NSMCE2: variants seen among roughly 807,000 people sequenced by gnomAD.
NSMCE2 encodes the protein NSE2 SUMO ligase component of SMC5/6 complex.
NSMCE2 carries 24 observed loss-of-function variants against 23.8 expected under a neutral mutation model. The ratio of observed to expected loss-of-function variants is 1.01; its 90% confidence interval spans 0.73 to 1.42. The LOEUF is 1.42. Ranked by LOEUF, NSMCE2 falls within the 40% of genes most tolerant of loss-of-function variation. NSMCE2 has a pLI of 0.00. For synonymous variants in NSMCE2, 92 were observed against 94.1 expected, an observed-to-expected ratio of 0.98 and a Z score of 0.13; for missense variants, 284 against 296.5, an observed-to-expected ratio of 0.96 and a Z score of 0.31.
At chr8:125,326,721 C>A (rs1475298140) in intron 5 of NSMCE2, among the ~76,000 whole-genome samples, 2 of 151,920 alleles carry the variant, frequency 1.3e-5, no homozygotes, top group African/African-American at 4.8e-5. Flanking sequence ...TTTGGGAGGC[C>A]GAGGCAGGTG....
chr8:125,210,286 C>A (rs941301738), intron 5 of NSMCE2, among the ~76,000 whole-genome samples: 2 of 152,152 alleles, frequency 1.3e-5, no homozygotes, highest in Non-Finnish European at 2.9e-5. Flanking sequence ...TCATTACTGT[C>A]ATTATTACTA....
At chr8:125,105,412 C>G (rs1475787010) in intron 3 of NSMCE2, among the ~76,000 whole-genome samples, 2 of 151,822 alleles carry the variant, frequency 1.3e-5, no homozygotes, top group Admixed American at 6.6e-5. Flanking sequence ...GAGATTGTAT[C>G]AGTTTTTTTC....
chr8:125,123,939 T>G (rs1819388954), intron 3 of NSMCE2, among the ~76,000 whole-genome samples: 1 of 152,218 alleles, frequency 6.6e-6, no homozygotes, highest in African/African-American at 2.4e-5. Flanking sequence ...ATGTACAATT[T>G]TGTGGTTTTC....
intron 1 of NSMCE2, among the ~76,000 whole-genome samples, chr8:125,095,882 C>CAAAAAAA (rs1174381155): frequency 1.5e-5 from 1 of 65,636 alleles, no homozygotes; most frequent in East Asian, 4.2e-4. Flanking sequence ...AACTCCATCT[C>CAAAAAAA]AAAAAAAAAA....
At chr8:125,137,130 C>T (rs1475664664) in intron 3 of NSMCE2, among the ~76,000 whole-genome samples, 1 of 152,008 alleles carries the variant, frequency 6.6e-6, no homozygotes, top group Admixed American at 6.6e-5. Flanking sequence ...TATTCTCCGA[C>T]AGATAGGAAT....
At chr8:125,170,415 T>TTTTTTTTTTA (rs1199459816) in intron 4 of NSMCE2, among the ~76,000 whole-genome samples, 10 of 93,198 alleles carry the variant, frequency 1.1e-4, no homozygotes, top group Admixed American at 1.3e-4. Flanking sequence ...TTTTTTTTTT[T>TTTTTTTTTTA]AAGACAGAGT....
intron 5 of NSMCE2, among the ~76,000 whole-genome samples, chr8:125,325,441 C>T (rs1829628653): frequency 6.6e-6 from 1 of 152,212 alleles, no homozygotes; most frequent in Non-Finnish European, 1.5e-5. Context: ...ACCTCTACCT[C>T]CTGGCTCAAG....
At chr8:125,282,669 T>C (rs1827740448) in intron 5 of NSMCE2, among the ~76,000 whole-genome samples, 1 of 152,156 alleles carries the variant, frequency 6.6e-6, no homozygotes, top group Non-Finnish European at 1.5e-5. Context: ...TTCCACTGAG[T>C]TCAATTCAGG....
Position 125,181,184 on chromosome 8 carries a change from G to A in NSMCE2, c.265-919G>A, listed in dbSNP as rs115911086. ...AAGCTGGAGGATGAGAAGGTGGAAA[G>A]AGTGGCTCCTTTTTTCCCCCAAGGA... On this transcript the variant is annotated intron_variant, in intron 4 of 7. Transcript: ENST00000287437. Among the ~76,000 whole-genome samples, 850 of 152,278 alleles carry A rather than the reference G, an allele frequency of 5.6e-3. 9 individuals carry two copies. The highest frequency in any genetic ancestry group is 0.019 in the African/African-American group (800 of 41,550).
intron 4 of NSMCE2, among the ~76,000 whole-genome samples, chr8:125,176,774 C>T (rs1822519386): frequency 6.6e-6 from 1 of 152,222 alleles, no homozygotes; most frequent in Non-Finnish European, 1.5e-5. Flanking sequence ...ATCCCGATTT[C>T]TAAGTGTCCT....
chr8:125,175,698 G>C (rs748298385), intron 4 of NSMCE2, among the ~76,000 whole-genome samples: 1 of 151,930 alleles, frequency 6.6e-6, no homozygotes, highest in South Asian at 2.1e-4. Context: ...CCAGTGAAAC[G>C]ATGGTTATAA....
At chr8:125,280,715 G>A (rs1411462700) in intron 5 of NSMCE2, among the ~76,000 whole-genome samples, 1 of 152,120 alleles carries the variant, frequency 6.6e-6, no homozygotes, top group Non-Finnish European at 1.5e-5. Flanking sequence ...TTTTGTTTGG[G>A]TCCCAGACAG....
chr8:125,303,460 A>G (rs149571690), intron 5 of NSMCE2, among the ~76,000 whole-genome samples: 1,688 of 152,308 alleles, frequency 0.011, 36 homozygotes, highest in African/African-American at 0.037. Context: ...GAACTAAACT[A>G]TAAAATAAAA....
chr8:125,262,126 T>TAAAAC (rs1826719125), intron 5 of NSMCE2, among the ~76,000 whole-genome samples: 1 of 147,568 alleles, frequency 6.8e-6, no homozygotes, highest in Non-Finnish European at 1.5e-5. Context: ...TAAAATAAAA[T>TAAAAC]ATAAAATAAA....
At chr8:125,331,548 A>C (rs1438117729) in intron 5 of NSMCE2, among the ~76,000 whole-genome samples, 1 of 152,192 alleles carries the variant, frequency 6.6e-6, no homozygotes, top group African/African-American at 2.4e-5. Context: ...GGGAAAGATG[A>C]AAACTATAGA....
At chr8:125,253,363 CCCCT>C (rs1368645547) in intron 5 of NSMCE2, among the ~76,000 whole-genome samples, 3 of 152,190 alleles carry the variant, frequency 2.0e-5, no homozygotes, top group African/African-American at 7.2e-5. Flanking sequence ...TAATGTTTAA[CCCCT>C]AGGGGCAGGC....
chr8:125,359,637 C>G (rs1230947901), intron 7 of NSMCE2, among the ~76,000 whole-genome samples: 2 of 152,144 alleles, frequency 1.3e-5, no homozygotes, highest in Non-Finnish European at 2.9e-5. Context: ...CCAGCCATGG[C>G]ATGCTTTCAT....
chr8:125,250,260 C>T (rs755855446), intron 5 of NSMCE2, among the ~76,000 whole-genome samples: 24 of 152,124 alleles, frequency 1.6e-4, no homozygotes, highest in African/African-American at 2.6e-4. Context: ...AAAGCCACCA[C>T]GCCCAGCAAC....
chr8:125,175,202 G>C (rs769044204), intron 4 of NSMCE2, among the ~76,000 whole-genome samples: 1 of 152,036 alleles, frequency 6.6e-6, no homozygotes, highest in Non-Finnish European at 1.5e-5. Flanking sequence ...TTGGGTTGGT[G>C]GTGTGTCATT....
Sources: gnomAD v4.1 joint callset for allele counts (sites outside exome capture counted in the v4.1 genomes callset) on GRCh38, gnomAD v4.1.1 for gene constraint, MANE v1.5 for transcripts, NCBI Gene and HGNC (gene_info 2026-07-23, HGNC 2026-07-21) for gene names.